The following DPP6 variants were observed in gnomAD, a reference collection of about 807,000 sequenced individuals.
DPP6 encodes the protein dipeptidyl peptidase like 6, also known as A-type potassium channel modulatory protein DPP6.
In DPP6, 69 loss-of-function variants were observed where a neutral mutation model predicts 122.6. The observed-to-expected ratio is 0.56, with a 90% CI of 0.46 to 0.69. The LOEUF is 0.69. Ranked by LOEUF, DPP6 falls within the 30% of genes least tolerant of loss-of-function variation. The pLI, the probability that DPP6 is intolerant of heterozygous loss-of-function variation, is 0.00. For missense variants in DPP6, 928 were observed against 1,116.9 expected (o/e 0.83, Z 2.41); for synonymous variants, 418 against 433.1 (o/e 0.97, Z 0.43).
At chr7:154,388,008 AAC>A (rs796912115) in intron 1 of DPP6, among the ~76,000 whole-genome samples, 69 of 152,210 alleles carry the variant, frequency 4.5e-4, no homozygotes, top group African/African-American at 1.5e-3. Flanking sequence ...GGGTGCTCAA[AAC>A]ACAGTGATTG....
intron 1 of DPP6, among the ~76,000 whole-genome samples, chr7:153,936,828 TGA>T (rs1801469928): frequency 1.3e-5 from 2 of 149,694 alleles, no homozygotes; most frequent in Admixed American, 6.7e-5. Flanking sequence ...AAAAGAAATG[TGA>T]GAGGAAGTGA....
chr7:153,984,534 C>A (rs1273628051), intron 1 of DPP6, among the ~76,000 whole-genome samples: 1 of 152,130 alleles, frequency 6.6e-6, no homozygotes, highest in Admixed American at 6.5e-5. Flanking sequence ...GGAGCAGGTG[C>A]AACTTCAGGG....
intron 1 of DPP6, among the ~76,000 whole-genome samples, chr7:154,078,634 C>A (rs2533687): frequency 1.3e-5 from 2 of 152,060 alleles, no homozygotes; most frequent in African/African-American, 4.8e-5. Context: ...TAAATTAAGA[C>A]TATTTGGAGG....
At chr7:153,940,250 C>T (rs1469341029) in intron 1 of DPP6, among the ~76,000 whole-genome samples, 3 of 152,090 alleles carry the variant, frequency 2.0e-5, no homozygotes, top group Non-Finnish European at 2.9e-5. Context: ...CCTTCCAAAC[C>T]AGAGGATCTA....
chr7:154,869,861 C>T (rs1235546654), intron 18 of DPP6, among the ~76,000 whole-genome samples: 1 of 141,794 alleles, frequency 7.1e-6, no homozygotes, highest in Non-Finnish European at 1.5e-5. Flanking sequence ...CCACCCCTGC[C>T]CCCAACACAC....
Position 154,857,360 on chromosome 7 carries a change from G to A in DPP6, c.1714+3533G>A, listed in dbSNP as rs1027182172. 3.3e-5 allele frequency among the ~76,000 whole-genome samples: 5 copies of A among 151,990 alleles called. No homozygotes were observed. In the East Asian group the frequency reaches 5.8e-4, roughly 18 times the overall value. ...AGTGCCTGAAATCCCTTCCTTGCACGGCCATCCCTGAGGGTTGGCACATCA... is the reference window on the plus strand; with the variant it reads ...AGTGCCTGAAATCCCTTCCTTGCACAGCCATCCCTGAGGGTTGGCACATCA... On this transcript the variant is annotated intron_variant, in intron 17 of 25. Coordinates refer to ENST00000377770, the MANE Select transcript of DPP6 (RefSeq NM_130797.4).
intron 8 of DPP6, among the ~76,000 whole-genome samples, chr7:154,730,355 G>T (rs12673237): frequency 0.19 from 29,326 of 151,948 alleles, 3,039 homozygotes; most frequent in Admixed American, 0.23. Context: ...ACATGACAAG[G>T]GTCTTCCACT....
At position 154,522,330 on chromosome 7, in the gene DPP6, G is replaced by A. The variant is rs533100764; in HGVS notation, c.458-18202G>A. ...TCAGGTGTAGTGAACCTCCCAGTCA[G>A]GTTATCCCGCCACGTATGTTAAAGT... On this transcript the variant is annotated intron_variant, in intron 3 of 25. Coordinates refer to ENST00000377770, the MANE Select transcript of DPP6 (RefSeq NM_130797.4). Among the ~76,000 whole-genome samples the A allele has an allele frequency of 5.4e-4, 83 of 152,308 alleles. 1 individual carries two copies. The highest frequency in any genetic ancestry group is 1.9e-3 in the African/African-American group (81 of 41,562).
chr7:153,823,636 C>T, the DPP6 span, among the ~76,000 whole-genome samples: 1 of 147,832 alleles, frequency 6.8e-6, no homozygotes, highest in South Asian at 2.2e-4. Flanking sequence ...CGGATATACT[C>T]CCCGGGGATC....
intron 1 of DPP6, among the ~76,000 whole-genome samples, chr7:154,414,341 C>T (rs946594429): frequency 6.6e-6 from 1 of 152,140 alleles, no homozygotes; most frequent in African/African-American, 2.4e-5. Flanking sequence ...AAAAAGGAAA[C>T]ATTCTTTCAA....
chr7:154,514,010 T>C (rs1028955559), intron 3 of DPP6, among the ~76,000 whole-genome samples: 1 of 152,140 alleles, frequency 6.6e-6, no homozygotes, highest in African/African-American at 2.4e-5. Flanking sequence ...CACGGTGGCT[T>C]ATGCCTGTAA....
At chr7:154,679,107 C>G (rs1429823185) in intron 7 of DPP6, among the ~76,000 whole-genome samples, 1 of 152,152 alleles carries the variant, frequency 6.6e-6, no homozygotes, top group African/African-American at 2.4e-5. Context: ...GAGACAGAAG[C>G]TAGGGTTGGT....
chr7:154,740,007 G>C (rs997755448), intron 8 of DPP6, among the ~76,000 whole-genome samples: 1 of 152,238 alleles, frequency 6.6e-6, no homozygotes, highest in African/African-American at 2.4e-5. Context: ...ATGAAGAGGT[G>C]ATCTAGCTGG....
chr7:154,259,893 G>T (rs1056319157), intron 1 of DPP6, among the ~76,000 whole-genome samples: 1 of 152,216 alleles, frequency 6.6e-6, no homozygotes, highest in Non-Finnish European at 1.5e-5. Flanking sequence ...GAGCAGGCAC[G>T]TGGCTGCTGG....
chr7:153,949,426 C>T lies in DPP6; in HGVS notation c.51+61692C>T, dbSNP rs75976860. ...TTCTTATGACTCAATCAAGGGCTTGCATGGTGTGTGGTGCTGGCACTGCTT... is the reference window on the plus strand; with the variant it reads ...TTCTTATGACTCAATCAAGGGCTTGTATGGTGTGTGGTGCTGGCACTGCTT... On this transcript the variant is annotated intron_variant, in intron 1 of 25. Transcript: ENST00000404039. Among the ~76,000 whole-genome samples the T allele has an allele frequency of 5.8e-3, 882 of 152,286 alleles. 12 individuals are homozygous for T. Among genetic ancestry groups the T allele is most frequent in the African/African-American group, 0.02 (849 of 41,546 alleles).
At chr7:153,798,810 G>C in the DPP6 span, among the ~76,000 whole-genome samples, 2 of 152,292 alleles carry the variant, frequency 1.3e-5, no homozygotes, top group Non-Finnish European at 2.9e-5. Flanking sequence ...CAGTCCCACT[G>C]GGGGGTGATG....
At chr7:154,306,808 G>T (rs1806388512) in intron 1 of DPP6, among the ~76,000 whole-genome samples, 1 of 152,200 alleles carries the variant, frequency 6.6e-6, no homozygotes, top group Non-Finnish European at 1.5e-5. Context: ...GTGACAGTGT[G>T]CATAAGGATT....
chr7:154,489,540 A>G (rs984458401), intron 3 of DPP6, among the ~76,000 whole-genome samples: 1 of 152,162 alleles, frequency 6.6e-6, no homozygotes, highest in African/African-American at 2.4e-5. Flanking sequence ...TGTGATGCTG[A>G]GCAGGTTCTG....
At chr7:154,680,804 T>C (rs1839234517) in intron 7 of DPP6, among the ~76,000 whole-genome samples, 1 of 152,142 alleles carries the variant, frequency 6.6e-6, no homozygotes, top group Non-Finnish European at 1.5e-5. Flanking sequence ...AGGCGCTTTT[T>C]GCAGAGAATC....
Sources: allele counts gnomAD v4.1 joint callset (sites outside exome capture counted in the v4.1 genomes callset), GRCh38; gene constraint gnomAD v4.1.1; transcripts MANE v1.5; gene names NCBI Gene and HGNC (gene_info 2026-07-23, HGNC 2026-07-21).